Variants in CHRNB3 observed in about 807,000 individuals in gnomAD.
CHRNB3 encodes the protein neuronal acetylcholine receptor subunit beta-3.
Under a neutral mutation model 40.6 loss-of-function variants are expected in CHRNB3, and 37 were observed. The observed-to-expected ratio is 0.91, with a 90% CI of 0.70 to 1.20. CHRNB3 has a LOEUF of 1.20. Ranked by LOEUF, CHRNB3 falls within the 50% of genes most tolerant of loss-of-function variation. CHRNB3 has a pLI of 0.00. For missense variants in CHRNB3, 505 were observed against 551.2 expected (o/e 0.92, Z 0.84); for synonymous variants, 207 against 207.1 (o/e 1.00, Z 0.00).
intron 4 of CHRNB3, 56 bp downstream of exon 4, chr8:42,730,759 G>GA: frequency 1.0e-5 from 13 of 1,238,930 alleles, no homozygotes; most frequent in Middle Eastern, 2.1e-4. Context: ...TTTAAAAAGT[G>GA]AAAAAAAGGC....
chr8:42,714,417 G>A (rs1399954194), intron 3 of CHRNB3, among the ~76,000 whole-genome samples: 4 of 151,912 alleles, frequency 2.6e-5, no homozygotes, highest in Non-Finnish European at 5.9e-5. Context: ...CAGGAGAATC[G>A]GTTGTACCTG....
chr8:42,730,018 C>A (rs1816376821), intron 3 of CHRNB3, among the ~76,000 whole-genome samples: 1 of 152,146 alleles, frequency 6.6e-6, no homozygotes, highest in Non-Finnish European at 1.5e-5. Context: ...TAATTGGGAG[C>A]TCCAAAAATA....
chr8:42,708,977 T>G, intron 2 of CHRNB3, 109 bp downstream of exon 2: 1 of 1,218,320 alleles, frequency 8.2e-7, no homozygotes, highest in East Asian at 2.5e-5. Flanking sequence ...TTAAAAATAA[T>G]TTACTGTGAG....
chr8:42,712,825 T>C (rs1816039458), intron 3 of CHRNB3, among the ~76,000 whole-genome samples: 1 of 151,386 alleles, frequency 6.6e-6, no homozygotes, highest in South Asian at 2.1e-4. Flanking sequence ...ACACAAACCT[T>C]TACTTCCTGC....
chr8:42,702,170 C>A (rs1214626707), intron 1 of CHRNB3, among the ~76,000 whole-genome samples: 1 of 152,218 alleles, frequency 6.6e-6, no homozygotes, highest in African/African-American at 2.4e-5. Flanking sequence ...AGGCCAAGTG[C>A]ACGCCATCCC....
At chr8:42,705,208 G>T (rs929954656) in intron 1 of CHRNB3, among the ~76,000 whole-genome samples, 4 of 152,184 alleles carry the variant, frequency 2.6e-5, no homozygotes, top group Non-Finnish European at 4.4e-5. Context: ...ATTCCCAGAT[G>T]CAAGGGAGCC....
Position 42,707,959 on chromosome 8 carries a change from G to C in CHRNB3, c.53-758G>C, listed in dbSNP as rs182337080. 1.3e-4 allele frequency among the ~76,000 whole-genome samples: 20 copies of C among 152,372 alleles called. No individual in the cohort carries two copies. The East Asian group carries it at 2.1e-3, about 16-fold the overall frequency. On this transcript the variant is annotated intron_variant, in intron 1 of 5. Transcript: ENST00000289957. ...CCATCGTCAGGGAGCTCCAGAGGAA[G>C]ACAGGTGTGACAAATGACAAGAGAC...
Position 42,736,605 on chromosome 8 carries a change from A to C in CHRNB3, c.1364A>C (p.His455Pro), listed in dbSNP as rs760670573. Reference protein sequence around the residue: ...IFTPALKMWLHSYH With the variant: ...IFTPALKMWLPSYH ...ACCCCTGCTTTGAAGATGTGGCTAC[A>C]TAGTTACCATTAGGAATTTAAAAGA... Residue 455 changes from histidine to proline, a missense_variant, in exon 6 of 6, where the codon CAT becomes CCT. Physicochemically the swap from His to Pro is moderately conservative, Grantham distance 77 (BLOSUM62 -2). Transcript: ENST00000289957. 6.2e-7 allele frequency: 1 copy of C among 1,614,198 alleles called. No individual in the cohort carries two copies. The highest frequency in any genetic ancestry group is 1.1e-5 in the South Asian group (1 of 91,086).
rs1444193632 is a variant in CHRNB3, at chr8:42,736,552, G to A, written c.1311G>A (p.Val437=). Residue 437 remains valine, a synonymous_variant, in exon 6 of 6, where the codon GTG becomes GTA. Coordinates refer to ENST00000289957, the MANE Select transcript of CHRNB3 (RefSeq NM_000749.5). ...DRIFLWLFLI[V]SVTGSVLIFT... is the part of the protein sequence containing the mutation. ...TCTTCCTGTGGCTCTTTCTGATAGT[G>A]TCAGTAACAGGCTCGGTTCTGATTT... 6.2e-7 allele frequency: 1 copy of A among 1,614,162 alleles called. No homozygotes were observed. The highest frequency in any genetic ancestry group is 8.5e-7 in the Non-Finnish European group (1 of 1,180,018).
chr8:42,719,027 G>A lies in CHRNB3; in HGVS notation c.249+8593G>A, dbSNP rs149553571. 3.9e-5 allele frequency among the ~76,000 whole-genome samples: 6 copies of A among 152,232 alleles called. No individual in the cohort carries two copies. The East Asian group carries it at 1.2e-3, about 29-fold the overall frequency. ...TCAAGTCGGGAACTGCTGTGATGTG[G>A]AGCTGGTGTTTGACGACGGCTTTGA... On this transcript the variant is annotated intron_variant, in intron 3 of 5. Transcript: ENST00000289957.
chr8:42,724,807 CA>C (rs942737201), intron 3 of CHRNB3, among the ~76,000 whole-genome samples: 3 of 151,824 alleles, frequency 2.0e-5, no homozygotes, highest in African/African-American at 7.3e-5. Flanking sequence ...GGTGAAACCC[CA>C]TCTCTACTAA....
intron 3 of CHRNB3, among the ~76,000 whole-genome samples, chr8:42,726,736 C>T (rs956578145): frequency 6.6e-6 from 1 of 152,210 alleles, no homozygotes; most frequent in Non-Finnish European, 1.5e-5. Flanking sequence ...GTGATCCACC[C>T]GCCTTGGCCT....
At chr8:42,703,016 A>T (rs1815843620) in intron 1 of CHRNB3, among the ~76,000 whole-genome samples, 1 of 152,144 alleles carries the variant, frequency 6.6e-6, no homozygotes, top group South Asian at 2.1e-4. Flanking sequence ...CTGTAAAACA[A>T]GGGGCTGGGA....
At chr8:42,716,980 G>A (rs1296815973) in intron 3 of CHRNB3, among the ~76,000 whole-genome samples, 1 of 152,106 alleles carries the variant, frequency 6.6e-6, no homozygotes, top group East Asian at 1.9e-4. Context: ...AAGTAGCAGT[G>A]TCTTTCCAAC....
At chr8:42,734,483 G>T (rs1816486152) in intron 5 of CHRNB3, among the ~76,000 whole-genome samples, 1 of 146,578 alleles carries the variant, frequency 6.8e-6, no homozygotes, top group Non-Finnish European at 1.5e-5. Flanking sequence ...GCAATAGCTC[G>T]ATCTCAGCTC....
At chr8:42,724,837 C>G (rs886298037) in intron 3 of CHRNB3, among the ~76,000 whole-genome samples, 41 of 152,034 alleles carry the variant, frequency 2.7e-4, no homozygotes, top group Admixed American at 2.7e-3. Context: ...AAAAAATTAG[C>G]TGGGCATGGT....
At chr8:42,725,326 G>A (rs1816290853) in intron 3 of CHRNB3, among the ~76,000 whole-genome samples, 1 of 151,886 alleles carries the variant, frequency 6.6e-6, no homozygotes, top group African/African-American at 2.4e-5. Flanking sequence ...CTGACCTCAG[G>A]TGATCTGCCC....
At chr8:42,732,768 GAAGCAACTGTTGATT>G (rs978228305) in intron 5 of CHRNB3, among the ~76,000 whole-genome samples, 27 of 152,252 alleles carry the variant, frequency 1.8e-4, no homozygotes, top group Admixed American at 3.3e-4. Context: ...GAGCAAAAGT[GAAGCAACTGTTGATT>G]AAGCAACTGT....
chr8:42,700,806 A>C (rs1193416559), intron 1 of CHRNB3, among the ~76,000 whole-genome samples: 1 of 152,132 alleles, frequency 6.6e-6, no homozygotes, highest in Non-Finnish European at 1.5e-5. Flanking sequence ...GAGAGAGAAA[A>C]GTTTTATCTG....
Sources: gnomAD v4.1 joint callset for allele counts (sites outside exome capture counted in the v4.1 genomes callset) on GRCh38, gnomAD v4.1.1 for gene constraint, MANE v1.5 for transcripts, NCBI Gene and HGNC (gene_info 2026-07-23, HGNC 2026-07-21) for gene names.